HOMER2: variants seen among roughly 807,000 people sequenced by gnomAD.
The protein encoded by HOMER2 is homer protein homolog 2.
HOMER2 carries 27 observed loss-of-function variants against 47.0 expected under a neutral mutation model. The observed-to-expected ratio is 0.57, with a 90% CI of 0.42 to 0.79. HOMER2 has a LOEUF of 0.79. Among genes scored for constraint, HOMER2 ranks in the 30% least tolerant of loss-of-function variants. The pLI, the probability that HOMER2 is intolerant of heterozygous loss-of-function variation, is 0.00. For synonymous variants in HOMER2, 161 were observed against 163.8 expected, an observed-to-expected ratio of 0.98 and a Z score of 0.13; for missense variants, 443 against 435.0, an observed-to-expected ratio of 1.02 and a Z score of -0.16.
intron 6 of HOMER2, 38 bp from the exon 7 acceptor site, chr15:82,852,290 C>G (rs2051421796): frequency 8.5e-6 from 12 of 1,417,452 alleles, no homozygotes; most frequent in Non-Finnish European, 1.0e-5. Flanking sequence ...GGGACGCCAG[C>G]TTAACATTAG....
intron 1 of HOMER2, among the ~76,000 whole-genome samples, chr15:82,893,054 C>G (rs981845286): frequency 5.3e-5 from 8 of 152,224 alleles, no homozygotes; most frequent in East Asian, 1.9e-4. Context: ...GCTGTTATCC[C>G]GAGACTGCAG....
chr15:82,953,298 C>A (rs945122088), upstream of HOMER2, among the ~76,000 whole-genome samples: 1 of 152,052 alleles, frequency 6.6e-6, no homozygotes, highest in African/African-American at 2.4e-5. Context: ...TGGGCTCTTT[C>A]CTGGATAAAA....
intron 1 of HOMER2, among the ~76,000 whole-genome samples, chr15:82,937,728 C>G (rs766443137): frequency 2.0e-5 from 3 of 152,214 alleles, no homozygotes; most frequent in Non-Finnish European, 4.4e-5. Flanking sequence ...GGAGACAGAG[C>G]AGGCTCCCCC....
At chr15:82,908,612 A>T (rs1412372274) in intron 1 of HOMER2, among the ~76,000 whole-genome samples, 4 of 152,148 alleles carry the variant, frequency 2.6e-5, no homozygotes, top group Non-Finnish European at 4.4e-5. Context: ...CTGTCCATAC[A>T]TACTCAATGT....
At chr15:82,946,735 A>G (rs1411708001) in intron 1 of HOMER2, among the ~76,000 whole-genome samples, 1 of 152,218 alleles carries the variant, frequency 6.6e-6, no homozygotes, top group Non-Finnish European at 1.5e-5. Flanking sequence ...AAAAGAGAAT[A>G]TTCATTCACA....
At chr15:82,973,728 AG>A (rs1226335996) in intron 1 of HOMER2, among the ~76,000 whole-genome samples, 3 of 152,234 alleles carry the variant, frequency 2.0e-5, no homozygotes, top group Non-Finnish European at 4.4e-5. Context: ...TGAGGCTCAG[AG>A]AAGAATCTCA....
intron 6 of HOMER2, among the ~76,000 whole-genome samples, chr15:82,853,018 A>C (rs1033202182): frequency 6.6e-6 from 1 of 152,170 alleles, no homozygotes; most frequent in Non-Finnish European, 1.5e-5. Context: ...CATGCAACAC[A>C]AAAGCACTGT....
At chr15:82,849,957 T>C in intron 8 of HOMER2, 54 bp from the exon 9 acceptor site, 1 of 1,557,940 alleles carries the variant, frequency 6.4e-7, no homozygotes, top group Non-Finnish European at 8.8e-7. Flanking sequence ...AGAGTCATCC[T>C]TCAAAACCTG....
rs987736283 is a variant in HOMER2, at chr15:82,859,055, G to C, written c.468C>G (p.Asp156Glu). Residue 156 changes from aspartate (D) to glutamate (E), a missense_variant, in exon 5 of 9, where the codon GAC becomes GAG. Asp to Glu is a conservative substitution (Grantham distance 45). Transcript: ENST00000450735. ...TCTGCGTCAAGGCAATCTTCAGCTT[G>C]TCATTCTCAGACTTCAGGTGTGTGT... is the stretch of plus-strand genomic sequence containing the variant. Reference protein sequence around the residue: ...PANTHLKSENDKLKIALTQSA... With the variant: ...PANTHLKSENEKLKIALTQSA... The C allele has an allele frequency of 8.1e-6, 13 of 1,613,872 alleles. No individual in the cohort carries two copies. The African/African-American group carries it at 1.5e-4, about 18-fold the overall frequency.
chr15:82,876,339 A>G (rs62011712), intron 2 of HOMER2, among the ~76,000 whole-genome samples: 30,711 of 152,202 alleles, frequency 0.2, 3,399 homozygotes, highest in Non-Finnish European at 0.23. Context: ...TATTCATTCA[A>G]ACATTTATTG....
At chr15:82,891,123 G>T (rs1306308508) in intron 2 of HOMER2, among the ~76,000 whole-genome samples, 1 of 152,090 alleles carries the variant, frequency 6.6e-6, no homozygotes, top group African/African-American at 2.4e-5. Flanking sequence ...TCTCTGAAGC[G>T]GAGGGAGATA....
intron 3 of HOMER2, 96 bp from the exon 4 acceptor site, chr15:82,864,355 C>CA: frequency 2.7e-6 from 2 of 730,630 alleles, no homozygotes; most frequent in Non-Finnish European, 4.6e-6. Context: ...ATTTTAGGCC[C>CA]ATACATTCTG....
chr15:82,908,647 G>A (rs2053357415), intron 1 of HOMER2, among the ~76,000 whole-genome samples: 1 of 151,838 alleles, frequency 6.6e-6, no homozygotes, highest in Non-Finnish European at 1.5e-5. Context: ...GGAATTCTCT[G>A]AATCTCTTCT....
chr15:82,864,504 C>G (rs1224946152), intron 3 of HOMER2, among the ~76,000 whole-genome samples: 2 of 151,974 alleles, frequency 1.3e-5, no homozygotes, highest in Non-Finnish European at 2.9e-5. Flanking sequence ...TAAAAACAAA[C>G]TAATACAAAA....
downstream of HOMER2, chr15:82,844,319 C>T (rs564398249): frequency 6.6e-5 from 10 of 152,188 alleles, no homozygotes; most frequent in Non-Finnish European, 1.0e-4. Flanking sequence ...CTGAAAAGTT[C>T]GCAAGGATGT....
intron 3 of HOMER2, among the ~76,000 whole-genome samples, chr15:82,873,876 T>G (rs534075634): frequency 2.6e-4 from 39 of 152,290 alleles, no homozygotes; most frequent in Non-Finnish European, 4.6e-4. Context: ...GCTGGGGACC[T>G]CCTTAGAAGT....
chr15:82,874,280 G>A (rs2052271895), intron 3 of HOMER2, among the ~76,000 whole-genome samples: 2 of 152,156 alleles, frequency 1.3e-5, no homozygotes, highest in South Asian at 4.1e-4. Context: ...GCCCTTCCCT[G>A]GGTTTGCAGC....
chr15:82,976,996 ACT>A (rs954040739), intron 1 of HOMER2, among the ~76,000 whole-genome samples: 1 of 150,360 alleles, frequency 6.7e-6, no homozygotes, highest in Admixed American at 6.7e-5. Context: ...TTTTTTTTTA[ACT>A]CTCCTCACTC....
At chr15:82,910,194 G>C (rs186422626) in intron 1 of HOMER2, among the ~76,000 whole-genome samples, 4 of 148,718 alleles carry the variant, frequency 2.7e-5, no homozygotes, top group African/African-American at 1.0e-4. Flanking sequence ...ACTGAGAAAG[G>C]TAAAGAAAGT....
Sources: gnomAD v4.1 joint callset for allele counts (sites outside exome capture counted in the v4.1 genomes callset) on GRCh38, gnomAD v4.1.1 for gene constraint, MANE v1.5 for transcripts, NCBI Gene and HGNC (gene_info 2026-07-23, HGNC 2026-07-21) for gene names.